CNTNAP4: variants seen among roughly 807,000 people sequenced by gnomAD.
The protein encoded by CNTNAP4 is contactin associated protein family member 4, also known as contactin-associated protein-like 4.
A neutral mutation model predicts 148.4 loss-of-function variants in CNTNAP4; 98 were observed. The ratio of observed to expected loss-of-function variants is 0.66; its 90% CI spans 0.56 to 0.78. The LOEUF (loss-of-function observed/expected upper bound fraction) is 0.78. Among genes scored for constraint, CNTNAP4 ranks in the 30% least tolerant of loss-of-function variants. CNTNAP4 has a pLI of 0.00. For missense variants in CNTNAP4, 1,935 were observed against 1,565.6 expected, an observed-to-expected ratio of 1.24 and a Z score of -3.98; for synonymous variants, 730 against 565.1, an observed-to-expected ratio of 1.29 and a Z score of -4.14.
chr16:76,284,701 A>C (rs1383513582), intron 1 of CNTNAP4, among the ~76,000 whole-genome samples: 3 of 151,960 alleles, frequency 2.0e-5, no homozygotes, highest in African/African-American at 7.2e-5. Context: ...TTAACACTTA[A>C]ATTTCTTCCA....
At chr16:76,419,219 A>C (rs2079093534) in intron 3 of CNTNAP4, among the ~76,000 whole-genome samples, 1 of 150,740 alleles carries the variant, frequency 6.6e-6, no homozygotes, top group Non-Finnish European at 1.5e-5. Context: ...TGACGCTCTG[A>C]CTCCTGTTGC....
intron 3 of CNTNAP4, among the ~76,000 whole-genome samples, chr16:76,379,881 T>C (rs1384848491): frequency 1.3e-5 from 2 of 152,194 alleles, no homozygotes; most frequent in Non-Finnish European, 2.9e-5. Context: ...ATTTCTCTAC[T>C]CTTAAGTTCA....
In CNTNAP4 at chr16:76,427,615, T is replaced by A. The variant is rs2079456656; in HGVS notation, c.538+16T>A. The A allele has an allele frequency of 6.3e-7, 1 of 1,592,306 alleles. No homozygotes were observed. Among genetic ancestry groups the A allele is most frequent in the African/African-American group, 1.4e-5 (1 of 73,894 alleles). ...TGTGCATACAGTAAGTGTTTGTTTA[T>A]CCAATACACTGACATAGATATCAAA... is the stretch of plus-strand genomic sequence containing the variant. On this transcript the variant is annotated intron_variant, in intron 4 of 23. Coordinates refer to ENST00000611870, the MANE Select transcript of CNTNAP4 (RefSeq NM_033401.5).
chr16:76,292,542 T>G (rs573445164), intron 1 of CNTNAP4, among the ~76,000 whole-genome samples: 4 of 152,296 alleles, frequency 2.6e-5, no homozygotes, highest in Non-Finnish European at 5.9e-5. Context: ...GATAGGCTGC[T>G]GCAAATGCAG....
At chr16:76,510,533 A>G (rs1051975796) in intron 15 of CNTNAP4, among the ~76,000 whole-genome samples, 1 of 151,690 alleles carries the variant, frequency 6.6e-6, no homozygotes, top group Non-Finnish European at 1.5e-5. Context: ...GAATTTCCCT[A>G]CATTTAACCT....
chr16:76,504,646 A>T (rs1288953863), intron 15 of CNTNAP4, among the ~76,000 whole-genome samples: 1 of 152,164 alleles, frequency 6.6e-6, no homozygotes, highest in East Asian at 1.9e-4. Flanking sequence ...TTCTGCCTTT[A>T]AAATGACACT....
intron 4 of CNTNAP4, among the ~76,000 whole-genome samples, chr16:76,439,323 G>A (rs1464107341): frequency 7.1e-6 from 1 of 140,574 alleles, no homozygotes; most frequent in Non-Finnish European, 1.6e-5. Flanking sequence ...AGATAAACGT[G>A]ATTTCAAGTG....
chr16:76,302,159 A>G (rs1222687086), intron 1 of CNTNAP4, among the ~76,000 whole-genome samples: 1 of 152,190 alleles, frequency 6.6e-6, no homozygotes, highest in Non-Finnish European at 1.5e-5. Context: ...CGAGGCCTTC[A>G]GCTACCATGG....
chr16:76,504,315 T>G (rs2082762001), intron 15 of CNTNAP4, among the ~76,000 whole-genome samples: 1 of 152,034 alleles, frequency 6.6e-6, no homozygotes, highest in Non-Finnish European at 1.5e-5. Context: ...TTGCTTGACT[T>G]TTTACAAAGC....
At position 76,420,747 on chromosome 16, in the gene CNTNAP4, C is replaced by T. The variant is rs115346990; in HGVS notation, c.391-6705C>T. On this transcript the variant is annotated intron_variant, in intron 3 of 23. Coordinates refer to ENST00000611870, the MANE Select transcript of CNTNAP4 (RefSeq NM_033401.5). The stretch of plus-strand genomic sequence containing the variant: ...TCCTCTTCAGAAATCCTTTAGTTAT[C>T]CCTAAAGAGAAAGCCTCAAATGCTG... Among the ~76,000 whole-genome samples the T allele has an allele frequency of 6.7e-3, 1,023 of 152,090 alleles. 7 individuals carry two copies. The highest frequency in any genetic ancestry group is 0.023 in the African/African-American group (967 of 41,528).
chr16:76,430,580 C>G (rs1170405526), intron 4 of CNTNAP4, among the ~76,000 whole-genome samples: 5 of 152,166 alleles, frequency 3.3e-5, no homozygotes, highest in Non-Finnish European at 7.4e-5. Context: ...TACTGAATCA[C>G]AGCCACAGGA....
At chr16:76,523,471 G>A (rs2083576674) in intron 17 of CNTNAP4, among the ~76,000 whole-genome samples, 1 of 151,786 alleles carries the variant, frequency 6.6e-6, no homozygotes, top group Non-Finnish European at 1.5e-5. Context: ...GCATTTATAG[G>A]TTTGATAGTG....
intron 3 of CNTNAP4, among the ~76,000 whole-genome samples, chr16:76,422,092 G>C (rs2079210410): frequency 1.3e-5 from 2 of 152,082 alleles, no homozygotes; most frequent in Admixed American, 1.3e-4. Context: ...TCAAAATCCT[G>C]TGAGAAACTT....
At chr16:76,452,193 T>A (rs932327232) in intron 7 of CNTNAP4, among the ~76,000 whole-genome samples, 1 of 152,188 alleles carries the variant, frequency 6.6e-6, no homozygotes, top group African/African-American at 2.4e-5. Context: ...GTGAATTCAC[T>A]TTTCACAGAT....
At chr16:76,492,779 A>T (rs1260644690) in intron 13 of CNTNAP4, among the ~76,000 whole-genome samples, 2 of 152,132 alleles carry the variant, frequency 1.3e-5, no homozygotes, top group Non-Finnish European at 2.9e-5. Flanking sequence ...TTCTGCCATG[A>T]TTTTGAGGCC....
Position 76,518,636 on chromosome 16 carries a change from T to C in CNTNAP4, c.2366-2504T>C, listed in dbSNP as rs1206414298. Among the ~76,000 whole-genome samples, 8 of 151,946 alleles carry C rather than the reference T, an allele frequency of 5.3e-5. No individual in the cohort carries two copies. In the East Asian group the frequency reaches 1.5e-3, roughly 29 times the overall value. On this transcript the variant is annotated intron_variant, in intron 15 of 23. Transcript: ENST00000611870. ...AGAATTACATGCATAGAATGTGTAA[T>C]GATCCAGTCAGGGGACTTAGGATAT...
At chr16:76,481,146 A>G (rs532664039) in intron 12 of CNTNAP4, among the ~76,000 whole-genome samples, 1 of 152,360 alleles carries the variant, frequency 6.6e-6, no homozygotes, top group African/African-American at 2.4e-5. Flanking sequence ...AATGAAGGAA[A>G]GATGGTCTTT....
At chr16:76,345,066 A>T (rs992395531) in intron 2 of CNTNAP4, among the ~76,000 whole-genome samples, 2 of 152,160 alleles carry the variant, frequency 1.3e-5, no homozygotes, top group African/African-American at 4.8e-5. Context: ...TGACCCATCT[A>T]TTCCTTTGAA....
chr16:76,423,507 A>C (rs1346625615), intron 3 of CNTNAP4, among the ~76,000 whole-genome samples: 5 of 152,218 alleles, frequency 3.3e-5, no homozygotes, highest in Non-Finnish European at 7.3e-5. Flanking sequence ...TATTTTTGAA[A>C]AAAGATAAAG....
Sources: gnomAD v4.1 joint callset for allele counts (sites outside exome capture counted in the v4.1 genomes callset) on GRCh38, gnomAD v4.1.1 for gene constraint, MANE v1.5 for transcripts, NCBI Gene and HGNC (gene_info 2026-07-23, HGNC 2026-07-21) for gene names.